SOCS7: variants seen among roughly 807,000 people sequenced by gnomAD.
SOCS7 encodes the protein NAP-4.
Under a neutral mutation model 58.9 loss-of-function variants are expected in SOCS7, and 18 were observed. That is an observed-to-expected ratio of 0.31 (90% CI 0.21 to 0.45). The LOEUF is 0.45. SOCS7 is among the 20% of genes least tolerant of loss of function. The pLI is 1.00. For missense variants in SOCS7, 667 were observed against 837.3 expected, an observed-to-expected ratio of 0.80 and a Z score of 2.51; for synonymous variants, 388 against 364.3, an observed-to-expected ratio of 1.06 and a Z score of -0.74.
intron 6 of SOCS7, among the ~76,000 whole-genome samples, chr17:38,374,997 C>T (rs2037913516): frequency 6.6e-6 from 1 of 152,180 alleles, no homozygotes; most frequent in Non-Finnish European, 1.5e-5. Flanking sequence ...GAGGCTCAAG[C>T]CTGTAATCCC....
intron 2 of SOCS7, 106 bp from the exon 3 acceptor site, chr17:38,364,646 G>A (rs2037763580): frequency 7.2e-6 from 6 of 838,032 alleles, no homozygotes; most frequent in East Asian, 2.4e-5. Flanking sequence ...CTTTCTGAGA[G>A]CAGCAGACCC....
At chr17:38,396,048 A>G (rs2038241184) in intron 9 of SOCS7, 50 bp downstream of exon 9, 1 of 1,463,166 alleles carries the variant, frequency 6.8e-7, no homozygotes, top group Non-Finnish European at 9.1e-7. Context: ...CTGGGCAGTC[A>G]TCATCATGCA....
At chr17:38,355,986 C>T (rs587615794) in intron 1 of SOCS7, among the ~76,000 whole-genome samples, 5 of 152,160 alleles carry the variant, frequency 3.3e-5, no homozygotes, top group African/African-American at 9.6e-5. Flanking sequence ...CGGGTTCAAG[C>T]GATTCTTCTG....
intron 7 of SOCS7, among the ~76,000 whole-genome samples, chr17:38,394,804 C>G (rs570099491): frequency 8.5e-5 from 13 of 152,312 alleles, no homozygotes; most frequent in African/African-American, 2.9e-4. Flanking sequence ...AATCCTAGCA[C>G]TTTGGGAGGC....
chr17:38,375,800 A>G (rs1799474142), intron 6 of SOCS7: 1 of 152,136 alleles, frequency 6.6e-6, no homozygotes, highest in African/African-American at 2.4e-5. Flanking sequence ...GACTTTAAGC[A>G]AAATGACGTA....
intron 7 of SOCS7, among the ~76,000 whole-genome samples, chr17:38,390,578 T>G (rs1399284895): frequency 6.6e-6 from 1 of 152,192 alleles, no homozygotes. Flanking sequence ...GCTGTCTTTC[T>G]GCTTATTTAG....
In SOCS7 at chr17:38,352,383, G is replaced by C; in HGVS notation, c.331G>C (p.Glu111Gln). Residue 111 changes from glutamate (E) to glutamine (Q), a missense_variant, in exon 1 of 10, where the codon GAG becomes CAG. By Grantham distance (29) the Glu-to-Gln change is conservative (BLOSUM62 2). Around this residue, in one of 9 missense-constraint regions of SOCS7, gnomAD observed 154 missense variants for 156.3 expected, o/e 0.98. Transcript: ENST00000612932. This position sits in a 1 kb window ranked among gnomAD's most constrained non-coding sequence, Gnocchi z 5.5. ...PKALPPGLALERTWGPAAGLE... is the reference protein window; with the variant it reads ...PKALPPGLALQRTWGPAAGLE... ...GGCCCTGCCGCCGGGCTTGGCGCTC[G>C]AGCGGACCTGGGGCCCGGCGGCTGG... is the stretch of plus-strand genomic sequence containing the variant. 7.0e-7 allele frequency: 1 copy of C among 1,436,866 alleles called. No individual in the cohort carries two copies. The highest frequency in any genetic ancestry group is 1.5e-5 in the South Asian group (1 of 68,418). The allele number at this position is 1,436,866 out of a possible 1,614,324, so 89.0% of individuals were successfully genotyped here.
intron 1 of SOCS7, 24 bp downstream of exon 1, chr17:38,353,056 G>C (rs577800836): frequency 3.3e-6 from 5 of 1,530,000 alleles, no homozygotes; most frequent in Admixed American, 4.4e-5. Flanking sequence ...GGGGCTGGCC[G>C]ACAAACTTCC....
At chr17:38,394,111 C>A (rs2038214098) in intron 7 of SOCS7, among the ~76,000 whole-genome samples, 1 of 152,152 alleles carries the variant, frequency 6.6e-6, no homozygotes, top group Admixed American at 6.5e-5. Flanking sequence ...ATTCTTAGTT[C>A]CCTTGAATCC....
intron 6 of SOCS7, among the ~76,000 whole-genome samples, chr17:38,373,358 T>G (rs2037891730): frequency 6.6e-6 from 1 of 152,092 alleles, no homozygotes; most frequent in African/African-American, 2.4e-5. Context: ...GGAAAATCAC[T>G]GAGGAGAAAG....
chr17:38,396,064 C>T, intron 9 of SOCS7, 66 bp downstream of exon 9: 1 of 1,321,450 alleles, frequency 7.6e-7, no homozygotes, highest in Non-Finnish European at 1.0e-6. Context: ...ATGCATTGAG[C>T]CTTGGGCCCC....
rs2037557047 is a variant in SOCS7 at position 38,351,929 on chromosome 17, A to G, written c.-124A>G. 6.6e-6 allele frequency among the ~76,000 whole-genome samples: 1 copy of G among 151,260 alleles called. No homozygotes were observed. The highest frequency in any genetic ancestry group is 1.5e-5 in the Non-Finnish European group (1 of 67,746). ...CGCCCCCCGCCCCCCTCTATGAGGC[A>G]GAGGCCGCGGCGGCCGTTAGCGCTG... On this transcript the variant is annotated 5_prime_UTR_variant, in exon 1 of 10. Coordinates refer to ENST00000612932, the MANE Select transcript of SOCS7 (RefSeq NM_014598.4).
chr17:38,357,625 A>G (rs939487362), intron 1 of SOCS7, among the ~76,000 whole-genome samples: 1 of 152,262 alleles, frequency 6.6e-6, no homozygotes, highest in Non-Finnish European at 1.5e-5. Context: ...AAAAATGAAC[A>G]CATGGTTTTT....
chr17:38,391,856 C>T (rs1224485097), intron 7 of SOCS7, among the ~76,000 whole-genome samples: 1 of 152,180 alleles, frequency 6.6e-6, no homozygotes, highest in Non-Finnish European at 1.5e-5. Flanking sequence ...ATTCTGTCTT[C>T]AGGGGTCAGA....
Position 38,401,599 on chromosome 17 carries a change from C to T in SOCS7, c.*2117C>T, listed in dbSNP as rs2038319819. 1 of 152,090 alleles carries T rather than the reference C, an allele frequency of 6.6e-6. No homozygotes were observed. The highest frequency in any genetic ancestry group is 2.4e-5 in the African/African-American group (1 of 41,398). 9.4% of individuals were successfully genotyped at this position (152,090 alleles called of 1,614,324 possible). On this transcript the variant is annotated 3_prime_UTR_variant, in exon 10 of 10. Coordinates refer to ENST00000612932, the MANE Select transcript of SOCS7 (RefSeq NM_014598.4). ...TAAGGGAGCTTTTAGGTGACTGCTG[C>T]ACATCAAGCAGAAAATCAAGGACTA...
Position 38,402,201 on chromosome 17 carries a change from G to C in SOCS7, c.*2719G>C, listed in dbSNP as rs371819588. ...TCTCTGTGGAGTGGGCTGCAAAACA[G>C]CAGCGCAAGAGGAGACAGTCTTCGT... On this transcript the variant is annotated 3_prime_UTR_variant, in exon 10 of 10. Transcript: ENST00000612932. 6.6e-6 allele frequency: 1 copy of C among 152,636 alleles called. No individual in the cohort carries two copies. The highest frequency in any genetic ancestry group is 1.5e-5 in the Non-Finnish European group (1 of 68,324). The allele number at this position is 152,636 out of a possible 1,614,324, so 9.5% of individuals were successfully genotyped here.
At chr17:38,368,133 A>G in intron 6 of SOCS7, 83 bp downstream of exon 6, 3 of 1,272,526 alleles carry the variant, frequency 2.4e-6, no homozygotes, top group East Asian at 4.8e-5. Flanking sequence ...GAAGAGATTC[A>G]TAGGAATGGA....
At chr17:38,368,676 A>C (rs1310732057) in intron 6 of SOCS7, among the ~76,000 whole-genome samples, 1 of 151,828 alleles carries the variant, frequency 6.6e-6, no homozygotes, top group Non-Finnish European at 1.5e-5. Flanking sequence ...TAATTTTTGT[A>C]TTTTTAGTAG....
intron 7 of SOCS7, among the ~76,000 whole-genome samples, chr17:38,390,346 GT>G (rs1316598822): frequency 6.6e-6 from 1 of 152,132 alleles, no homozygotes; most frequent in African/African-American, 2.4e-5. Flanking sequence ...ATGGAAAAGT[GT>G]GAGTCTCCAA....
Sources: gnomAD v4.1 joint callset for allele counts (sites outside exome capture counted in the v4.1 genomes callset) on GRCh38, gnomAD v4.1.1 for gene constraint, gnomAD v4.1.1 regional missense constraint, Gnocchi (gnomAD v3.1) non-coding constraint, MANE v1.5 for transcripts, NCBI Gene and HGNC (gene_info 2026-07-23, HGNC 2026-07-21) for gene names.